The following CERKL variants were observed in gnomAD, a reference collection of about 807,000 sequenced individuals.
CERKL encodes CERK like autophagy regulator.
A neutral mutation model predicts 63.4 loss-of-function variants in CERKL; 61 were observed. That is an observed-to-expected ratio of 0.96 (90% confidence interval 0.78 to 1.19). CERKL has a LOEUF of 1.19. Among genes scored for constraint, CERKL ranks in the 50% most tolerant of loss-of-function variants. The probability of loss-of-function intolerance (pLI) is 0.00; values close to 1 mark genes in which losing one functional copy is unlikely to be tolerated. For synonymous variants in CERKL, 250 were observed against 230.5 expected (o/e 1.08, Z -0.77); for missense variants, 675 against 655.5 (o/e 1.03, Z -0.33).
intron 1 of CERKL, among the ~76,000 whole-genome samples, chr2:181,624,174 A>G (rs897323425): frequency 6.6e-6 from 1 of 152,114 alleles, no homozygotes; most frequent in Non-Finnish European, 1.5e-5. Context: ...GACTACATTA[A>G]GGACATTGGA....
At chr2:181,553,693 CTA>C (rs952551623) in intron 5 of CERKL, among the ~76,000 whole-genome samples, 1 of 152,088 alleles carries the variant, frequency 6.6e-6, no homozygotes, top group African/African-American at 2.4e-5. Flanking sequence ...ACAGACATGA[CTA>C]GAAGTCAGAA....
chr2:181,630,103 C>T (rs1354691559), intron 1 of CERKL, among the ~76,000 whole-genome samples: 2 of 151,944 alleles, frequency 1.3e-5, no homozygotes, highest in Non-Finnish European at 2.9e-5. Flanking sequence ...GTGATCTCTG[C>T]TCACTGTGAC....
At chr2:181,624,126 G>C (rs1559111511) in intron 1 of CERKL, among the ~76,000 whole-genome samples, 1 of 152,150 alleles carries the variant, frequency 6.6e-6, no homozygotes, top group African/African-American at 2.4e-5. Flanking sequence ...CATAAGAGTA[G>C]AGGGATCAGG....
chr2:181,603,134 G>T, intron 2 of CERKL: 1 of 269,354 alleles, frequency 3.7e-6, no homozygotes, highest in South Asian at 3.6e-5. Context: ...CTGTGAAATA[G>T]GTAATTCTCA....
chr2:181,607,046 T>G (rs1044565195), intron 1 of CERKL, among the ~76,000 whole-genome samples: 2 of 152,222 alleles, frequency 1.3e-5, no homozygotes, highest in African/African-American at 2.4e-5. Flanking sequence ...TATCTATCTA[T>G]AATTATTGTA....
In CERKL at chr2:181,536,816, G is replaced by A. The variant is rs1559062133; in HGVS notation, c.*1368C>T. ...TATGCTTATGATCTAGATAATTGCA[G>A]AATATCATTTTATCTGACTCTGCCT... On this transcript the variant is annotated 3_prime_UTR_variant, in exon 13 of 13. Coordinates refer to ENST00000410087, the MANE Select transcript of CERKL (RefSeq NM_201548.5). 2.2e-5 allele frequency: 7 copies of A among 321,186 alleles called. No individual in the cohort carries two copies. Among genetic ancestry groups the A allele is most frequent in the East Asian group, 8.4e-5 (1 of 11,906 alleles). The allele number at this position is 321,186 out of a possible 1,614,324, so 19.9% of individuals were successfully genotyped here.
At position 181,572,779 on chromosome 2, in the gene CERKL, G is replaced by GTTT. The variant is rs1688963260; in HGVS notation, c.613+973_613+974insAAA. ...GGGGGCTGACCTTCCTACAAAACTTGCTTTTTTTTTTTTTTTGAACTTTCT... is the reference window on the plus strand; with the variant it reads ...GGGGGCTGACCTTCCTACAAAACTTGTTTCTTTTTTTTTTTTTTTGAACTTTCT... On this transcript the variant is annotated intron_variant, in intron 3 of 12. Coordinates refer to ENST00000410087, the MANE Select transcript of CERKL (RefSeq NM_201548.5). 5.3e-4 allele frequency among the ~76,000 whole-genome samples: 44 copies of GTTT among 82,668 alleles called. No homozygotes were observed. The East Asian group carries it at 0.012, about 23-fold the overall frequency. 54.2% of individuals were successfully genotyped at this position (82,668 alleles called of 152,430 possible).
chr2:181,579,730 T>C (rs1435588741), intron 2 of CERKL, among the ~76,000 whole-genome samples: 2 of 151,970 alleles, frequency 1.3e-5, no homozygotes, highest in South Asian at 2.1e-4. Flanking sequence ...CTCAATTTTA[T>C]ATTTTCAATT....
chr2:181,630,182 T>C (rs776419862), intron 1 of CERKL, among the ~76,000 whole-genome samples: 1 of 151,834 alleles, frequency 6.6e-6, no homozygotes, highest in Non-Finnish European at 1.5e-5. Context: ...GGACTAGAGG[T>C]GAACGCCACC....
At chr2:181,577,254 G>C (rs1276491706) in intron 2 of CERKL, among the ~76,000 whole-genome samples, 1 of 152,174 alleles carries the variant, frequency 6.6e-6, no homozygotes, top group Non-Finnish European at 1.5e-5. Flanking sequence ...GAGTAAGATA[G>C]AGTTTAAGTC....
At position 181,550,127 on chromosome 2, in the gene CERKL, C is replaced by T. The variant is rs1243798292; in HGVS notation, c.821-419G>A. On this transcript the variant is annotated intron_variant, in intron 5 of 12. Coordinates refer to ENST00000410087, the MANE Select transcript of CERKL (RefSeq NM_201548.5). The surrounding 1 kb of genome is among the most constrained non-coding windows in gnomAD (Gnocchi z 4.5). ...ATACATAAATAAAAGAGAAAATAAT[C>T]CAAATAATAACTCAGAAAAATAAAA... 2.6e-5 allele frequency among the ~76,000 whole-genome samples: 4 copies of T among 151,932 alleles called. No individual in the cohort carries two copies. The highest frequency in any genetic ancestry group is 2.1e-4 in the South Asian group (1 of 4,806).
intron 4 of CERKL, among the ~76,000 whole-genome samples, chr2:181,563,178 T>C (rs1490064612): frequency 1.3e-5 from 2 of 152,110 alleles, no homozygotes; most frequent in African/African-American, 2.4e-5. Flanking sequence ...GGGAGCAATA[T>C]AGAATCTGAA....
intron 1 of CERKL, chr2:181,617,547 C>A (rs959912186): frequency 6.6e-6 from 1 of 152,178 alleles, no homozygotes; most frequent in Non-Finnish European, 1.5e-5. Context: ...ATGATCTTAA[C>A]AGCTTTCTAA....
intron 2 of CERKL, among the ~76,000 whole-genome samples, chr2:181,593,545 A>C (rs1285516183): frequency 2.0e-5 from 3 of 152,040 alleles, no homozygotes. Flanking sequence ...AAAAAAAAAA[A>C]AACTAAAACA....
At chr2:181,630,678 T>C (rs1678245234) in intron 1 of CERKL, among the ~76,000 whole-genome samples, 1 of 152,178 alleles carries the variant, frequency 6.6e-6, no homozygotes. Flanking sequence ...CAATGGCACC[T>C]TGATTTTGGA....
At chr2:181,621,588 A>T (rs1176388799) in intron 1 of CERKL, among the ~76,000 whole-genome samples, 2 of 152,206 alleles carry the variant, frequency 1.3e-5, no homozygotes, top group African/African-American at 4.8e-5. Context: ...TAAAATTATA[A>T]TTTCTTCTCC....
chr2:181,552,588 G>A (rs1201120979), intron 5 of CERKL, among the ~76,000 whole-genome samples: 4 of 152,084 alleles, frequency 2.6e-5, no homozygotes, highest in African/African-American at 7.2e-5. Flanking sequence ...CCAGTCTTGG[G>A]TATTTCCTTA....
chr2:181,539,312 C>G (rs779041774), intron 11 of CERKL, 48 bp from the exon 12 acceptor site: 1 of 1,242,398 alleles, frequency 8.0e-7, no homozygotes, highest in Non-Finnish European at 1.2e-6. Context: ...TCTCTAGCTA[C>G]TAACGCGAAT....
intron 1 of CERKL, among the ~76,000 whole-genome samples, chr2:181,643,768 C>T (rs114263259): frequency 0.019 from 2,852 of 152,288 alleles, 49 homozygotes; most frequent in Non-Finnish European, 0.028. Context: ...ATTGATCACT[C>T]TTAAACATAC....
Sources: gnomAD v4.1 joint callset for allele counts (sites outside exome capture counted in the v4.1 genomes callset) on GRCh38, gnomAD v4.1.1 for gene constraint, Gnocchi (gnomAD v3.1) non-coding constraint, MANE v1.5 for transcripts, NCBI Gene and HGNC (gene_info 2026-07-23, HGNC 2026-07-21) for gene names.